Variants in PTPRH observed in about 807,000 individuals in gnomAD.
PTPRH encodes protein tyrosine phosphatase receptor type H.
PTPRH carries 113 observed loss-of-function variants against 130.2 expected under a neutral mutation model. The ratio of observed to expected loss-of-function variants is 0.87; its 90% CI spans 0.75 to 1.01. The LOEUF (loss-of-function observed/expected upper bound fraction) is 1.01. Among genes scored for constraint, PTPRH ranks in the 50% least tolerant of loss-of-function variants. The probability of loss-of-function intolerance (pLI) is 0.00; values close to 1 mark genes in which losing one functional copy is unlikely to be tolerated. For synonymous variants in PTPRH, 556 were observed against 577.9 expected (o/e 0.96, Z 0.54); for missense variants, 1,430 against 1,425.0 (o/e 1.00, Z -0.06).
At chr19:55,183,837 C>T (rs192144826) in intron 18 of PTPRH, among the ~76,000 whole-genome samples, 16 of 152,316 alleles carry the variant, frequency 1.1e-4, no homozygotes, top group Non-Finnish European at 1.8e-4. Context: ...GCAGACACCA[C>T]GCCCATTAGG....
At chr19:55,191,217 G>T (rs1289957224) in intron 12 of PTPRH, among the ~76,000 whole-genome samples, 1 of 152,190 alleles carries the variant, frequency 6.6e-6, no homozygotes, top group Non-Finnish European at 1.5e-5. Flanking sequence ...TTTGCTGTTT[G>T]TTTGGCACCT....
At position 55,203,387 on chromosome 19, in the gene PTPRH, GTTTC is replaced by G. The variant is rs536034016; in HGVS notation, c.886+391_886+394del. ...ACATAAAATATCTCATAGTAATTTAGTTTCTTTCTTTCCTTCCTTCCTTCCTTCC... is the reference window on the plus strand; with the variant it reads ...ACATAAAATATCTCATAGTAATTTAGTTTCTTTCCTTCCTTCCTTCCTTCC... On this transcript the variant is annotated intron_variant, in intron 5 of 19. Coordinates refer to ENST00000376350, the MANE Select transcript of PTPRH (RefSeq NM_002842.5). Among the ~76,000 whole-genome samples the G allele has an allele frequency of 6.1e-4, 71 of 115,956 alleles. 1 individual carries two copies. The South Asian group carries it at 8.8e-3, about 14-fold the overall frequency. 76.1% of individuals were successfully genotyped at this position (115,956 alleles called of 152,430 possible).
At chr19:55,207,379 A>C in intron 1 of PTPRH, 180 bp from the exon 2 acceptor site, 2 of 635,626 alleles carry the variant, frequency 3.1e-6, no homozygotes, top group Non-Finnish European at 2.8e-6. Flanking sequence ...CGAGGAGAGA[A>C]GGGGGAGCAT....
rs61734210 is a variant in PTPRH at position 55,203,917 on chromosome 19, T to G, written c.751A>C (p.Arg251=). The change falls in exon 5 of 20, where the codon AGA becomes CGA. Residue 251 remains arginine, a synonymous_variant. Coordinates refer to ENST00000376350, the MANE Select transcript of PTPRH (RefSeq NM_002842.5). ...YCVQCTGDGG[R]TETRNTTDTR... ...TCTGTTGTGTTTCGAGTCTCTGTTCTGCCACCATCTCCAGTGCACTGAACG... is the reference window on the plus strand; with the variant it reads ...TCTGTTGTGTTTCGAGTCTCTGTTCGGCCACCATCTCCAGTGCACTGAACG... The G allele has an allele frequency of 6.2e-7, 1 of 1,614,196 alleles. No individual in the cohort carries two copies.
chr19:55,196,884 T>C, intron 9 of PTPRH, 96 bp from the exon 10 acceptor site: 3 of 1,451,264 alleles, frequency 2.1e-6, no homozygotes, highest in Non-Finnish European at 2.8e-6. Context: ...GCCCATCCCT[T>C]CCTCGCCAAA....
At position 55,206,675 on chromosome 19, in the gene PTPRH, T is replaced by C. The variant is rs746017544; in HGVS notation, c.352+14A>G. Reference sequence around the variant, plus strand: ...TATAAAAGAAATAAAAATAAAGCAGTGGCTGCCTCTTACCTGTGGCAGTAG... The same window carrying C: ...TATAAAAGAAATAAAAATAAAGCAGCGGCTGCCTCTTACCTGTGGCAGTAG... On this transcript the variant is annotated intron_variant, in intron 3 of 19. Coordinates refer to ENST00000376350, the MANE Select transcript of PTPRH (RefSeq NM_002842.5). 19 of 1,568,016 alleles carry C rather than the reference T, an allele frequency of 1.2e-5. No homozygotes were observed. The highest frequency in any genetic ancestry group is 1.2e-4 in the South Asian group (10 of 86,378).
At position 55,206,709 on chromosome 19, in the gene PTPRH, C is replaced by T. The variant is rs200306629; in HGVS notation, c.332G>A (p.Gly111Glu). The change falls in exon 3 of 20, where the codon GGG becomes GAG. Residue 111 changes from glycine (G) to glutamate (E), a missense_variant. By Grantham distance (98) the Gly-to-Glu change is moderately conservative. Coordinates refer to ENST00000376350, the MANE Select transcript of PTPRH (RefSeq NM_002842.5). ...VEKDGVNSSV[G>E]TVTTATAPNP... ...CTTACCTGTGGCAGTAGTGACAGTC[C>T]CCACAGAGCTATTTACTCCGTCTTT... 2.8e-5 allele frequency: 45 copies of T among 1,602,286 alleles called. No individual in the cohort carries two copies. Among genetic ancestry groups the T allele is most frequent in the South Asian group, 3.3e-5 (3 of 90,344 alleles).
chr19:55,183,055 C>A (rs1179973122), intron 18 of PTPRH, among the ~76,000 whole-genome samples: 3 of 150,306 alleles, frequency 2.0e-5, no homozygotes, highest in African/African-American at 4.9e-5. Flanking sequence ...CTCAGCCCCC[C>A]AAAGTGCTGG....
chr19:55,182,180 A>G (rs370903234), intron 18 of PTPRH, 29 bp from the exon 19 acceptor site: 258 of 1,609,198 alleles, frequency 1.6e-4, no homozygotes, highest in Middle Eastern at 4.9e-4. Context: ...GGGTCAGACC[A>G]AGGGGCAGGA....
At chr19:55,201,246 C>T (rs973837968) in intron 6 of PTPRH, among the ~76,000 whole-genome samples, 5 of 151,630 alleles carry the variant, frequency 3.3e-5, no homozygotes, top group Admixed American at 2.6e-4. Context: ...GCATGGTGGC[C>T]CACGCCTGTA....
At chr19:55,190,231 G>C (rs991888278) in intron 12 of PTPRH, among the ~76,000 whole-genome samples, 3 of 150,314 alleles carry the variant, frequency 2.0e-5, no homozygotes, top group Non-Finnish European at 3.0e-5. Context: ...TTAGCTGGGC[G>C]TGGTGGTGCA....
intron 10 of PTPRH, among the ~76,000 whole-genome samples, chr19:55,195,122 T>C (rs1456180030): frequency 6.6e-6 from 1 of 151,936 alleles, no homozygotes; most frequent in Non-Finnish European, 1.5e-5. Flanking sequence ...GTCAGGAGTT[T>C]GAGACCAGCC....
chr19:55,191,734 A>G lies in PTPRH; in HGVS notation c.2265T>C (p.Ile755=). 6.2e-7 allele frequency: 1 copy of G among 1,613,844 alleles called. No homozygotes were observed. The highest frequency in any genetic ancestry group is 8.5e-7 in the Non-Finnish European group (1 of 1,179,820). The change falls in exon 11 of 20, where the codon ATT becomes ATC. Residue 755 remains isoleucine, a synonymous_variant. Transcript: ENST00000376350. The stretch of plus-strand genomic sequence containing the variant: ...GGAGGATGCCCACAAAGGCTCCGGC[A>G]ATGACCCCTGTGGGGAGGAGGCATC... The part of the protein sequence containing the change: ...VVCHTESAGV[I]AGAFVGILLF...
chr19:55,205,690 A>T (rs1290694615), intron 3 of PTPRH, 98 bp from the exon 4 acceptor site: 4 of 1,547,368 alleles, frequency 2.6e-6, no homozygotes, highest in Non-Finnish European at 3.5e-6. Context: ...AGAGGCAGGG[A>T]GGCCCAGCTC....
At chr19:55,202,640 CACACATATATATACAT>C (rs1488876000) in intron 5 of PTPRH, among the ~76,000 whole-genome samples, 3 of 151,934 alleles carry the variant, frequency 2.0e-5, no homozygotes, top group Admixed American at 1.3e-4. Flanking sequence ...TATATATACA[CACACATATATATACAT>C]ACACATATAT....
chr19:55,186,212 T>C lies in PTPRH; in HGVS notation c.2778+13A>G. The stretch of plus-strand genomic sequence containing the variant: ...CCTGCACCCAGTCAGCACCCAGGAC[T>C]CAGATCTCTCACCCGGCCGGCCTCC... On this transcript the variant is annotated intron_variant, in intron 16 of 19. Coordinates refer to ENST00000376350, the MANE Select transcript of PTPRH (RefSeq NM_002842.5). The C allele has an allele frequency of 1.2e-6, 2 of 1,604,192 alleles. No homozygotes were observed. The highest frequency in any genetic ancestry group is 1.1e-5 in the South Asian group (1 of 90,090).
rs768279728 is a variant in PTPRH at position 55,185,885 on chromosome 19, C to A, written c.2878G>T (p.Val960Leu). ...VGEEVMENWT[V>L]RELLLLQVEE... The stretch of plus-strand genomic sequence containing the variant: ...ACCTGGAGGAGCAGCAGTTCCCGCA[C>A]CGTCCAGTTCTCCATCACTTCCTCA... The change falls in exon 17 of 20, where the codon GTG (valine) becomes TTG (leucine). Residue 960 changes from valine to leucine, a missense_variant. Transcript: ENST00000376350. 1 of 1,614,144 alleles carries A rather than the reference C, an allele frequency of 6.2e-7. No individual in the cohort carries two copies. The highest frequency in any genetic ancestry group is 1.1e-5 in the South Asian group (1 of 91,086).
chr19:55,209,360 C>G lies in PTPRH; in HGVS notation c.51+23G>C. 6.4e-7 allele frequency: 1 copy of G among 1,558,310 alleles called. No individual in the cohort carries two copies. The highest frequency in any genetic ancestry group is 8.7e-7 in the Non-Finnish European group (1 of 1,150,396). On this transcript the variant is annotated intron_variant, in intron 1 of 19. Transcript: ENST00000376350. This position sits in a 1 kb window ranked among gnomAD's most constrained non-coding sequence, Gnocchi z 4.1. Reference sequence around the variant, plus strand: ...CCTGGGAGTCCCTGCCTTGGGAGCCCGCTCTGGGCGGGGAGCACTTACCAG... The same window carrying G: ...CCTGGGAGTCCCTGCCTTGGGAGCCGGCTCTGGGCGGGGAGCACTTACCAG...
In PTPRH at chr19:55,181,531, CCTT is replaced by C; in HGVS notation, c.*220_*222del. ...GAATCCAAGCTATCATCCCTCTCCT[CCTT>C]CAGGGAACCAGGAATCCAGATCCCC... On this transcript the variant is annotated 3_prime_UTR_variant, in exon 20 of 20. Coordinates refer to ENST00000376350, the MANE Select transcript of PTPRH (RefSeq NM_002842.5). The C allele has an allele frequency of 1.7e-6, 1 of 585,064 alleles. No homozygotes were observed. The highest frequency in any genetic ancestry group is 3.0e-5 in the Admixed American group (1 of 33,308). 36.2% of individuals were successfully genotyped at this position (585,064 alleles called of 1,614,324 possible).
Sources: allele counts gnomAD v4.1 joint callset (sites outside exome capture counted in the v4.1 genomes callset), GRCh38; gene constraint gnomAD v4.1.1; non-coding constraint Gnocchi (gnomAD v3.1); transcripts MANE v1.5; gene names NCBI Gene and HGNC (gene_info 2026-07-23, HGNC 2026-07-21).